GSG1L: variants seen among roughly 807,000 people sequenced by gnomAD.
GSG1L encodes the protein germ cell-specific gene 1-like protein.
Under a neutral mutation model 42.1 loss-of-function variants are expected in GSG1L, and 24 were observed. The ratio of observed to expected loss-of-function variants is 0.57; its 90% CI spans 0.41 to 0.80. GSG1L has a LOEUF of 0.80. GSG1L is among the 30% of genes least tolerant of loss of function. GSG1L has a pLI of 0.00. For missense variants in GSG1L, 445 were observed against 472.2 expected, an observed-to-expected ratio of 0.94 and a Z score of 0.53; for synonymous variants, 215 against 203.5, an observed-to-expected ratio of 1.06 and a Z score of -0.48.
At chr16:27,831,304 A>G (rs2083272203) in intron 4 of GSG1L, among the ~76,000 whole-genome samples, 1 of 152,236 alleles carries the variant, frequency 6.6e-6, no homozygotes, top group Non-Finnish European at 1.5e-5. Context: ...GAACTTTTCA[A>G]TCATGGAAGT....
At chr16:27,796,995 G>C (rs1410917815) in intron 6 of GSG1L, among the ~76,000 whole-genome samples, 1 of 152,162 alleles carries the variant, frequency 6.6e-6, no homozygotes, top group East Asian at 1.9e-4. Flanking sequence ...TCCCACTCCT[G>C]CTGTGTGCCA....
chr16:27,861,805 G>A (rs534338279), intron 3 of GSG1L, among the ~76,000 whole-genome samples: 1 of 152,242 alleles, frequency 6.6e-6, no homozygotes, highest in East Asian at 1.9e-4. Flanking sequence ...CTTGTTATTT[G>A]TTACTATCTC....
In GSG1L at chr16:27,789,528, G is replaced by A. The variant is rs1567452732; in HGVS notation, c.*1842C>T. The A allele has an allele frequency of 6.6e-6, 1 of 152,092 alleles. No individual in the cohort carries two copies. The highest frequency in any genetic ancestry group is 6.5e-5 in the Admixed American group (1 of 15,278). The allele number at this position is 152,092 out of a possible 1,614,324, so 9.4% of individuals were successfully genotyped here. A position where few individuals can be genotyped will look rare whatever the true frequency, so the allele number is the denominator to read the frequency against. ...ATGGAAAGATGATGGATGATGGATG[G>A]AAGGATAAATAATGGATAAATGAAG... On this transcript the variant is annotated 3_prime_UTR_variant, in exon 7 of 7. Transcript: ENST00000447459.
intron 2 of GSG1L, among the ~76,000 whole-genome samples, chr16:27,947,757 G>C (rs1295432489): frequency 6.6e-6 from 1 of 152,142 alleles, no homozygotes; most frequent in African/African-American, 2.4e-5. Flanking sequence ...CGGTATGCAG[G>C]AGGCATACTT....
At chr16:28,054,140 A>T (rs1373330337) in intron 1 of GSG1L, among the ~76,000 whole-genome samples, 2 of 151,816 alleles carry the variant, frequency 1.3e-5, no homozygotes, top group Non-Finnish European at 2.9e-5. Context: ...GCTATCTCTG[A>T]TGCACACTCT....
chr16:27,929,523 T>A (rs796679090), intron 2 of GSG1L, among the ~76,000 whole-genome samples: 82 of 152,286 alleles, frequency 5.4e-4, no homozygotes, highest in African/African-American at 1.8e-3. Context: ...CTGGAGAGAA[T>A]CTGCCTGCGA....
Position 28,003,279 on chromosome 16 carries a change from T to C in GSG1L, c.350-40076A>G, listed in dbSNP as rs185772395. Among the ~76,000 whole-genome samples, 234 of 152,332 alleles carry C rather than the reference T, an allele frequency of 1.5e-3. 2 individuals carry two copies. The highest frequency in any genetic ancestry group is 5.1e-3 in the African/African-American group (212 of 41,572). On this transcript the variant is annotated intron_variant, in intron 1 of 6. Coordinates refer to ENST00000447459, the MANE Select transcript of GSG1L (RefSeq NM_001109763.2). The stretch of plus-strand genomic sequence containing the variant: ...GAACCCACTCACAGGAGCTTGAGAA[T>C]GGATGCTTGTTAACACAGAAGGATA...
chr16:27,860,116 AGCT>A (rs1337269599), intron 3 of GSG1L, among the ~76,000 whole-genome samples: 1 of 152,194 alleles, frequency 6.6e-6, no homozygotes, highest in African/African-American at 2.4e-5. Flanking sequence ...TGGTTTTGCA[AGCT>A]GCTGAGAAAC....
At chr16:27,959,184 G>A (rs2085038988) in intron 2 of GSG1L, among the ~76,000 whole-genome samples, 2 of 151,068 alleles carry the variant, frequency 1.3e-5, no homozygotes, top group Admixed American at 6.6e-5. Flanking sequence ...TTGACCAGGT[G>A]CAGTGGCTCA....
chr16:27,866,427 TC>T (rs2083725948), intron 3 of GSG1L, among the ~76,000 whole-genome samples: 2 of 152,248 alleles, frequency 1.3e-5, no homozygotes, highest in South Asian at 4.1e-4. Flanking sequence ...CTGACTATTA[TC>T]CCATTTTGGA....
In GSG1L at chr16:27,791,416, G is replaced by T. The variant is rs1597452728; in HGVS notation, c.950C>A (p.Ala317Glu). Residue 317 changes from alanine to glutamate, a missense_variant, in exon 7 of 7, where the codon GCA (alanine) becomes GAA (glutamate). By Grantham distance (107) the Ala-to-Glu change is moderately radical. Around this residue, in one of 3 missense-constraint regions of GSG1L, gnomAD observed 140 missense variants for 120.6 expected, o/e 1.16. Transcript: ENST00000447459. Reference protein sequence around the residue: ...DSWPRSSAQEAPELNRQCWVL... With the variant: ...DSWPRSSAQEEPELNRQCWVL... ...CCAGCACTGTCGGTTCAGCTCTGGT[G>T]CTTCCTGTGCGGAGCTCCGGGGCCA... 1 of 1,529,922 alleles carries T rather than the reference G, an allele frequency of 6.5e-7. No individual in the cohort carries two copies. Among genetic ancestry groups the T allele is most frequent in the Non-Finnish European group, 8.8e-7 (1 of 1,134,234 alleles). The allele number at this position is 1,529,922 out of a possible 1,614,324, so 94.8% of individuals were successfully genotyped here.
chr16:27,817,262 G>A (rs931482251), intron 5 of GSG1L, among the ~76,000 whole-genome samples: 32 of 152,242 alleles, frequency 2.1e-4, no homozygotes, highest in African/African-American at 7.7e-4. Context: ...AGGTGCCCTG[G>A]GGCCTCCCCA....
At chr16:27,854,134 A>C (rs2083545903) in intron 3 of GSG1L, among the ~76,000 whole-genome samples, 1 of 151,008 alleles carries the variant, frequency 6.6e-6, no homozygotes, top group Admixed American at 6.6e-5. Flanking sequence ...TTCCACCTGG[A>C]GATCAGCTAA....
At chr16:28,033,704 A>G (rs1295264421) in intron 1 of GSG1L, among the ~76,000 whole-genome samples, 1 of 152,222 alleles carries the variant, frequency 6.6e-6, no homozygotes, top group Non-Finnish European at 1.5e-5. Flanking sequence ...TTAAAATAAA[A>G]TAAATGTCCA....
intron 4 of GSG1L, among the ~76,000 whole-genome samples, chr16:27,837,196 G>A (rs970464060): frequency 2.0e-5 from 3 of 152,178 alleles, no homozygotes; most frequent in African/African-American, 7.2e-5. Context: ...CACACGGGAA[G>A]GAGGAGTGCC....
At chr16:27,895,651 A>C (rs2084182940) in intron 2 of GSG1L, among the ~76,000 whole-genome samples, 1 of 152,190 alleles carries the variant, frequency 6.6e-6, no homozygotes, top group Admixed American at 6.5e-5. Flanking sequence ...CATGGATCTG[A>C]CAGCTGTTCC....
intron 3 of GSG1L, among the ~76,000 whole-genome samples, chr16:27,846,859 A>C (rs2083449912): frequency 6.6e-6 from 1 of 150,754 alleles, no homozygotes; most frequent in Non-Finnish European, 1.5e-5. Flanking sequence ...CAGGAGGCTG[A>C]GGCAGGAAAA....
intron 2 of GSG1L, among the ~76,000 whole-genome samples, chr16:27,943,498 A>C (rs2084824151): frequency 6.6e-6 from 1 of 151,816 alleles, no homozygotes; most frequent in African/African-American, 2.4e-5. Flanking sequence ...AAATTCGAAA[A>C]CAAATAAATC....
At chr16:27,981,610 G>A (rs1047218667) in intron 1 of GSG1L, among the ~76,000 whole-genome samples, 2 of 152,144 alleles carry the variant, frequency 1.3e-5, no homozygotes, top group Non-Finnish European at 2.9e-5. Context: ...CTTACAGATG[G>A]TACCATGCCT....
Sources: allele counts gnomAD v4.1 joint callset (sites outside exome capture counted in the v4.1 genomes callset), GRCh38; gene constraint gnomAD v4.1.1; regional missense constraint gnomAD v4.1.1; transcripts MANE v1.5; gene names NCBI Gene and HGNC (gene_info 2026-07-23, HGNC 2026-07-21).